Variants in SH2D4B observed in about 807,000 individuals in gnomAD.
The protein encoded by SH2D4B is SH2 domain containing 4B.
SH2D4B carries 45 observed loss-of-function variants against 61.5 expected under a neutral mutation model. The observed-to-expected ratio is 0.73, with a 90% CI of 0.58 to 0.94. The LOEUF (loss-of-function observed/expected upper bound fraction) is 0.94, where lower values mean the gene tolerates loss of function less well. SH2D4B is among the 40% of genes least tolerant of loss of function. The probability of loss-of-function intolerance (pLI) is 0.00; values close to 1 mark genes in which losing one functional copy is unlikely to be tolerated. For missense variants in SH2D4B, 572 were observed against 574.2 expected (o/e 1.00, Z 0.04); for synonymous variants, 224 against 220.4 (o/e 1.02, Z -0.14).
rs548641995 is a variant in SH2D4B at position 80,549,539 on chromosome 10, G to A, written c.184+11024G>A. ...CAGACCCTTCATCTGTAATGGGCAC[G>A]GTCTTTACTGAAACCACCTCCCTCC... On this transcript the variant is annotated intron_variant, in intron 1 of 7. Coordinates refer to ENST00000646907, the MANE Select transcript of SH2D4B (RefSeq NM_001388272.1). Among the ~76,000 whole-genome samples, 6 of 152,246 alleles carry A rather than the reference G, an allele frequency of 3.9e-5. No individual in the cohort carries two copies. In the East Asian group the frequency reaches 7.7e-4, roughly 20 times the overall value.
chr10:80,548,620 T>C (rs1841712230), intron 1 of SH2D4B, among the ~76,000 whole-genome samples: 1 of 152,264 alleles, frequency 6.6e-6, no homozygotes, highest in Admixed American at 6.5e-5. Context: ...CAACAGTTTT[T>C]GGAAGAATTA....
chr10:80,606,108 C>T (rs1842516927), intron 5 of SH2D4B, among the ~76,000 whole-genome samples: 1 of 152,100 alleles, frequency 6.6e-6, no homozygotes, highest in Non-Finnish European at 1.5e-5. Flanking sequence ...GACGGGTGCC[C>T]ATGGCCTCAC....
In SH2D4B at chr10:80,587,148, T is replaced by TG. The variant is rs1370032413; in HGVS notation, c.496-1482_496-1481insG. ...CGGCCACGTTTTTTTTTTTTTTTGT[T>TG]TTGTTTTTTTTTTTTTTTTTGGAGA... On this transcript the variant is annotated intron_variant, in intron 3 of 7. Coordinates refer to ENST00000646907, the MANE Select transcript of SH2D4B (RefSeq NM_001388272.1). 8.8e-3 allele frequency among the ~76,000 whole-genome samples: 444 copies of TG among 50,458 alleles called. 5 individuals carry two copies. The highest frequency in any genetic ancestry group is 0.063 in the South Asian group (130 of 2,056). 33.1% of individuals were successfully genotyped at this position (50,458 alleles called of 152,430 possible).
chr10:80,640,920 T>TGTGG (rs1840280896), intron 7 of SH2D4B, among the ~76,000 whole-genome samples: 1 of 152,218 alleles, frequency 6.6e-6, no homozygotes, highest in South Asian at 2.1e-4. Flanking sequence ...CTCCCCATCT[T>TGTGG]TGTGGTTTTA....
intron 1 of SH2D4B, among the ~76,000 whole-genome samples, chr10:80,546,530 T>C (rs75922418): frequency 9.2e-6 from 1 of 108,616 alleles, no homozygotes; most frequent in Non-Finnish European, 2.1e-5. Context: ...TACGGTATTT[T>C]TTTTTTTTTT....
chr10:80,614,885 T>A (rs901545625), intron 6 of SH2D4B, among the ~76,000 whole-genome samples: 2 of 152,234 alleles, frequency 1.3e-5, no homozygotes, highest in African/African-American at 4.8e-5. Context: ...GACTTCACCT[T>A]GCTCATTTCT....
chr10:80,588,527 G>A (rs1842286046), intron 3 of SH2D4B, 103 bp from the exon 4 acceptor site: 2 of 1,456,382 alleles, frequency 1.4e-6, no homozygotes, highest in Non-Finnish European at 9.3e-7. Context: ...GGCCACTGCT[G>A]CACTCTCAGC....
intron 1 of SH2D4B, among the ~76,000 whole-genome samples, chr10:80,544,436 A>G (rs950977208): frequency 6.6e-6 from 1 of 152,266 alleles, no homozygotes; most frequent in African/African-American, 2.4e-5. Flanking sequence ...CAGTGAGACC[A>G]AGAACCCACC....
At chr10:80,603,928 C>A in intron 5 of SH2D4B, 133 bp downstream of exon 5, 1 of 739,116 alleles carries the variant, frequency 1.4e-6, no homozygotes, top group Non-Finnish European at 2.2e-6. Flanking sequence ...CTCTGGACTT[C>A]AGCCCTAGTC....
chr10:80,609,051 G>A (rs1421403839), intron 5 of SH2D4B, among the ~76,000 whole-genome samples: 1 of 152,132 alleles, frequency 6.6e-6, no homozygotes, highest in African/African-American at 2.4e-5. Context: ...GGCCGTGCTC[G>A]AGGGAAAATG....
chr10:80,620,080 A>G (rs1309468971), intron 6 of SH2D4B, among the ~76,000 whole-genome samples: 1 of 152,186 alleles, frequency 6.6e-6, no homozygotes, highest in Non-Finnish European at 1.5e-5. Context: ...ATACAAATCC[A>G]CACCTTGCCC....
chr10:80,592,784 G>C (rs1042476256), intron 4 of SH2D4B, among the ~76,000 whole-genome samples: 3 of 146,542 alleles, frequency 2.0e-5, no homozygotes, highest in Non-Finnish European at 4.4e-5. Context: ...TGTGATCTCA[G>C]CTTACTGCAA....
At chr10:80,579,313 G>A (rs999775565) in intron 3 of SH2D4B, among the ~76,000 whole-genome samples, 1 of 152,146 alleles carries the variant, frequency 6.6e-6, no homozygotes, top group Non-Finnish European at 1.5e-5. Flanking sequence ...CTGAAGATGA[G>A]ACAGCTGGAA....
intron 1 of SH2D4B, among the ~76,000 whole-genome samples, chr10:80,543,702 C>A (rs1273846114): frequency 6.6e-6 from 1 of 152,188 alleles, no homozygotes; most frequent in Non-Finnish European, 1.5e-5. Flanking sequence ...CATGGAGAAC[C>A]TTTATGTCTA....
chr10:80,552,771 C>A (rs942408835), intron 1 of SH2D4B, among the ~76,000 whole-genome samples: 2 of 152,190 alleles, frequency 1.3e-5, no homozygotes, highest in African/African-American at 4.8e-5. Flanking sequence ...CAGATTTTGC[C>A]TTAGATGTTG....
chr10:80,588,778 G>A lies in SH2D4B; in HGVS notation c.643+1G>A. ...GAGGAGCGAGAGTGGGAAGAACAGT[G>A]TGAGTAGAGCTTGTGCCTCAGGCAG... is the stretch of plus-strand genomic sequence containing the variant. On this transcript the variant is annotated splice_donor_variant, in intron 4 of 7. Coordinates refer to ENST00000646907, the MANE Select transcript of SH2D4B (RefSeq NM_001388272.1). LOFTEE classifies it high-confidence loss of function. The A allele has an allele frequency of 1.2e-6, 2 of 1,613,882 alleles. No homozygotes were observed. Among genetic ancestry groups the A allele is most frequent in the Non-Finnish European group, 1.7e-6 (2 of 1,180,006 alleles).
At chr10:80,562,711 G>T (rs1236096137) in intron 1 of SH2D4B, among the ~76,000 whole-genome samples, 1 of 151,744 alleles carries the variant, frequency 6.6e-6, no homozygotes, top group Non-Finnish European at 1.5e-5. Context: ...ACTATTTTCC[G>T]CAATAGCTGT....
intron 6 of SH2D4B, among the ~76,000 whole-genome samples, chr10:80,609,997 A>G (rs1842576627): frequency 6.6e-6 from 1 of 152,028 alleles, no homozygotes; most frequent in Admixed American, 6.6e-5. Context: ...CCAAACATAG[A>G]CTGTTAGGGC....
At chr10:80,601,486 C>A (rs1291035496) in intron 4 of SH2D4B, among the ~76,000 whole-genome samples, 1 of 152,200 alleles carries the variant, frequency 6.6e-6, no homozygotes, top group Non-Finnish European at 1.5e-5. Flanking sequence ...GCACTAAATA[C>A]TTAAATTGAG....
Sources: allele counts gnomAD v4.1 joint callset (sites outside exome capture counted in the v4.1 genomes callset), GRCh38; gene constraint gnomAD v4.1.1; transcripts MANE v1.5; gene names NCBI Gene and HGNC (gene_info 2026-07-23, HGNC 2026-07-21).